Variants in TFDP2 observed in about 807,000 individuals in gnomAD.
TFDP2 encodes the protein transcription factor Dp-2.
In TFDP2, 17 loss-of-function variants were observed where a neutral mutation model predicts 59.3. The observed-to-expected ratio is 0.29, with a 90% confidence interval of 0.20 to 0.43. The LOEUF (loss-of-function observed/expected upper bound fraction) is 0.43, where lower values mean the gene tolerates loss of function less well. TFDP2 is among the 20% of genes least tolerant of loss of function. TFDP2 has a pLI of 1.00. For missense variants in TFDP2, 391 were observed against 528.8 expected, an observed-to-expected ratio of 0.74 and a Z score of 2.56; for synonymous variants, 180 against 194.7, an observed-to-expected ratio of 0.92 and a Z score of 0.63.
chr3:142,028,748 G>C, intron 3 of TFDP2: 1 of 983,828 alleles, frequency 1.0e-6, no homozygotes, highest in South Asian at 4.7e-5. Flanking sequence ...AAACTGTTTA[G>C]TTAACTGGCT....
chr3:142,071,970 T>C (rs1405953969), intron 3 of TFDP2, among the ~76,000 whole-genome samples: 1 of 152,156 alleles, frequency 6.6e-6, no homozygotes, highest in Non-Finnish European at 1.5e-5. Context: ...ATCATACATA[T>C]ACATAACAGA....
intron 1 of TFDP2, among the ~76,000 whole-genome samples, chr3:142,111,124 G>A (rs2061642401): frequency 1.3e-5 from 2 of 151,948 alleles, no homozygotes; most frequent in Non-Finnish European, 2.9e-5. Flanking sequence ...CTATGATGGA[G>A]ACATAAAAGA....
At position 141,969,095 on chromosome 3, in the gene TFDP2, T is replaced by TATATGAGATATATATATATAAC. The variant is rs1559941732; in HGVS notation, c.732+977_732+978insGTTATATATATATATCTCATAT. Among the ~76,000 whole-genome samples, 21 of 70,338 alleles carry TATATGAGATATATATATATAAC rather than the reference T, an allele frequency of 3.0e-4. 3 individuals are homozygous for TATATGAGATATATATATATAAC. Among genetic ancestry groups the TATATGAGATATATATATATAAC allele is most frequent in the Non-Finnish European group, 5.7e-4 (21 of 36,948 alleles). The allele number at this position is 70,338 out of a possible 152,430, so 46.1% of individuals were successfully genotyped here. On this transcript the variant is annotated intron_variant, in intron 9 of 12. Coordinates refer to ENST00000489671, the MANE Select transcript of TFDP2 (RefSeq NM_001178139.2). ...ATATGAGATATATATATATAACATA[T>TATATGAGATATATATATATAAC]ATATATATCTCATATATATGAGATA...
chr3:142,015,697 C>A (rs890841337), intron 3 of TFDP2, among the ~76,000 whole-genome samples: 1 of 152,196 alleles, frequency 6.6e-6, no homozygotes, highest in Non-Finnish European at 1.5e-5. Flanking sequence ...TATTTCCATG[C>A]TCTCTAATAC....
rs980368900 is a variant in TFDP2 at position 142,144,010 on chromosome 3, G to A, written c.-93+5173C>T. On this transcript the variant is annotated intron_variant, in intron 1 of 12. Coordinates refer to ENST00000489671, the MANE Select transcript of TFDP2 (RefSeq NM_001178139.2). ...AGATTTGGAAGCAACCTAAGTGTTC[G>A]TTAACAGATGAATGAATAAAGAAAA... Among the ~76,000 whole-genome samples, 154 of 152,184 alleles carry A rather than the reference G, an allele frequency of 1.0e-3. 1 individual carries two copies. The highest frequency in any genetic ancestry group is 2.1e-4 in the Non-Finnish European group (14 of 67,986).
intron 3 of TFDP2, among the ~76,000 whole-genome samples, chr3:142,017,909 A>G (rs1453325896): frequency 6.7e-6 from 1 of 149,722 alleles, no homozygotes; most frequent in Non-Finnish European, 1.5e-5. Context: ...ATGCCTTTCC[A>G]TATCTGTAGA....
intron 7 of TFDP2, among the ~76,000 whole-genome samples, chr3:141,978,227 C>T (rs1940999336): frequency 6.6e-6 from 1 of 151,700 alleles, no homozygotes; most frequent in African/African-American, 2.4e-5. Flanking sequence ...CGCCTGTAAT[C>T]CCAGCTACGC....
intron 6 of TFDP2, among the ~76,000 whole-genome samples, chr3:141,988,431 A>G (rs1488873600): frequency 6.6e-6 from 1 of 152,020 alleles, no homozygotes; most frequent in Non-Finnish European, 1.5e-5. Context: ...ACAAACAGCA[A>G]ACTACCCCAT....
chr3:142,085,624 T>G (rs2060788706), intron 3 of TFDP2, among the ~76,000 whole-genome samples: 2 of 152,086 alleles, frequency 1.3e-5, no homozygotes, highest in South Asian at 4.1e-4. Flanking sequence ...GTAACAAAAA[T>G]TTCCCCTGCC....
chr3:141,987,574 C>T lies in TFDP2; in HGVS notation c.356+5964G>A, dbSNP rs541599599. ...TTGGGATTACAGGCATGAGCCACTG[C>T]GCCTGGCGTGTGTGTGTGTGTGTGT... On this transcript the variant is annotated intron_variant, in intron 6 of 12. Transcript: ENST00000489671. 4.2e-3 allele frequency among the ~76,000 whole-genome samples: 548 copies of T among 128,952 alleles called. 2 individuals are homozygous for T. Among genetic ancestry groups the T allele is most frequent in the African/African-American group, 0.015 (516 of 33,600 alleles). The allele number at this position is 128,952 out of a possible 152,430, so 84.6% of individuals were successfully genotyped here.
chr3:142,121,918 G>A lies in TFDP2; in HGVS notation c.-92-20077C>T, dbSNP rs531989730. On this transcript the variant is annotated intron_variant, in intron 1 of 12. Coordinates refer to ENST00000489671, the MANE Select transcript of TFDP2 (RefSeq NM_001178139.2). This position sits in a 1 kb window ranked among gnomAD's most constrained non-coding sequence, Gnocchi z 4.3. Reference sequence around the variant, plus strand: ...TCTGACCTAGGCAATCTAAAGAAGGGGAAAGAAAACACCTATCAGTTACAG... The same window carrying A: ...TCTGACCTAGGCAATCTAAAGAAGGAGAAAGAAAACACCTATCAGTTACAG... Among the ~76,000 whole-genome samples, 3 of 152,080 alleles carry A rather than the reference G, an allele frequency of 2.0e-5. No individual in the cohort carries two copies. The highest frequency in any genetic ancestry group is 7.2e-5 in the African/African-American group (3 of 41,498).
At chr3:142,001,319 G>C (rs1943744328) in intron 4 of TFDP2, among the ~76,000 whole-genome samples, 1 of 152,118 alleles carries the variant, frequency 6.6e-6, no homozygotes, top group Non-Finnish European at 1.5e-5. Flanking sequence ...AGCCACACCT[G>C]GAATGGCTAA....
intron 11 of TFDP2, among the ~76,000 whole-genome samples, chr3:141,958,934 T>C (rs560666748): frequency 2.2e-4 from 33 of 150,158 alleles, no homozygotes; most frequent in South Asian, 1.1e-3. Context: ...TAGAGGGAAG[T>C]AGGATGTACC....
intron 3 of TFDP2, among the ~76,000 whole-genome samples, chr3:142,086,339 G>C (rs2060810962): frequency 6.6e-6 from 1 of 152,148 alleles, no homozygotes; most frequent in Non-Finnish European, 1.5e-5. Context: ...TAAGGGCTCA[G>C]AGCCATAATA....
intron 11 of TFDP2, among the ~76,000 whole-genome samples, chr3:141,959,100 G>A (rs1937048317): frequency 1.3e-5 from 2 of 151,746 alleles, no homozygotes; most frequent in Non-Finnish European, 2.9e-5. Flanking sequence ...TTACAGATAT[G>A]TGCCATCACG....
intron 9 of TFDP2, among the ~76,000 whole-genome samples, chr3:141,967,514 G>A (rs1404529973): frequency 6.6e-5 from 10 of 151,742 alleles, no homozygotes; most frequent in Admixed American, 5.9e-4. Flanking sequence ...GGCTGGTCTC[G>A]AACTCCTGAA....
intron 3 of TFDP2, among the ~76,000 whole-genome samples, chr3:142,076,210 C>CA (rs56018016): frequency 3.5e-4 from 39 of 112,130 alleles, no homozygotes; most frequent in Admixed American, 6.3e-4. Context: ...GACTCCGTCT[C>CA]AAAAAAAAAA....
At chr3:142,028,669 C>T in intron 3 of TFDP2, 1 of 985,344 alleles carries the variant, frequency 1.0e-6, no homozygotes, top group Non-Finnish European at 1.2e-6. Context: ...CTGTGTCAGA[C>T]GTAAGCAATC....
At chr3:141,953,277 A>C (rs1342039267) in intron 11 of TFDP2, among the ~76,000 whole-genome samples, 1 of 152,096 alleles carries the variant, frequency 6.6e-6, no homozygotes, top group Non-Finnish European at 1.5e-5. Context: ...ACTCAAAGGC[A>C]CTTTCTTACT....
Sources: gnomAD v4.1 joint callset for allele counts (sites outside exome capture counted in the v4.1 genomes callset) on GRCh38, gnomAD v4.1.1 for gene constraint, Gnocchi (gnomAD v3.1) non-coding constraint, MANE v1.5 for transcripts, NCBI Gene and HGNC (gene_info 2026-07-23, HGNC 2026-07-21) for gene names.